The following ELAVL4 variants were observed in gnomAD, a reference collection of about 807,000 sequenced individuals.
ELAVL4 encodes ELAV like RNA binding protein 4.
A neutral mutation model predicts 35.6 loss-of-function variants in ELAVL4; 1 was observed. The observed-to-expected ratio is 0.03, with a 90% confidence interval of 0.01 to 0.13. The LOEUF is 0.13. Among genes scored for constraint, ELAVL4 ranks in the 10% least tolerant of loss-of-function variants. ELAVL4 has a pLI of 1.00. For synonymous variants in ELAVL4, 156 were observed against 171.0 expected, an observed-to-expected ratio of 0.91 and a Z score of 0.69; for missense variants, 267 against 464.9, an observed-to-expected ratio of 0.57 and a Z score of 3.91.
upstream of ELAVL4, among the ~76,000 whole-genome samples, chr1:50,102,143 C>A (rs1421869644): frequency 6.6e-6 from 1 of 151,760 alleles, no homozygotes; most frequent in Admixed American, 6.6e-5. Flanking sequence ...AAAAATTAGC[C>A]GGGTGTGGTG....
chr1:50,203,691 TG>T lies in ELAVL4; in HGVS notation c.*2514del, dbSNP rs1432548132. The T allele has an allele frequency of 5.9e-5, 9 of 152,268 alleles. No homozygotes were observed. Among genetic ancestry groups the T allele is most frequent in the East Asian group, 1.9e-4 (1 of 5,184 alleles). 9.4% of individuals were successfully genotyped at this position (152,268 alleles called of 1,614,324 possible). A position where few individuals can be genotyped will look rare whatever the true frequency, so the allele number is the denominator to read the frequency against. The stretch of plus-strand genomic sequence containing the variant: ...GATTTCCAAGGGAAAGTATTGTAAA[TG>T]TTTTTTTTTCATAATCTTGTTGTGT... On this transcript the variant is annotated 3_prime_UTR_variant, in exon 7 of 7. Transcript: ENST00000371824.
intron 1 of ELAVL4, among the ~76,000 whole-genome samples, chr1:50,063,075 C>A (rs1664081765): frequency 6.6e-6 from 1 of 152,072 alleles, no homozygotes; most frequent in Non-Finnish European, 1.5e-5. Flanking sequence ...TCCTCTAGAC[C>A]CCTCCAGTTG....
chr1:50,111,548 AT>A (rs1299348630), intron 1 of ELAVL4, among the ~76,000 whole-genome samples: 6 of 151,980 alleles, frequency 3.9e-5, no homozygotes, highest in Non-Finnish European at 5.9e-5. Flanking sequence ...TGTACCTCTC[AT>A]TTTTTTCCTC....
chr1:50,062,351 C>T (rs1392951745), intron 1 of ELAVL4, among the ~76,000 whole-genome samples: 1 of 152,066 alleles, frequency 6.6e-6, no homozygotes, highest in Non-Finnish European at 1.5e-5. Context: ...TCTGAATGGA[C>T]TACTCTTCCT....
intron 2 of ELAVL4, among the ~76,000 whole-genome samples, chr1:50,168,091 A>C (rs1215275968): frequency 6.6e-6 from 1 of 152,226 alleles, no homozygotes; most frequent in Admixed American, 6.5e-5. Context: ...AAGGGGCTGT[A>C]GTGCAACAGC....
intron 1 of ELAVL4, among the ~76,000 whole-genome samples, chr1:50,094,536 C>G (rs988532630): frequency 2.5e-4 from 38 of 152,262 alleles, no homozygotes; most frequent in Middle Eastern, 3.4e-3. Context: ...CCAGCCCTCT[C>G]TCAGTATTTG....
chr1:50,161,347 T>C (rs1207468461), intron 2 of ELAVL4, among the ~76,000 whole-genome samples: 1 of 152,252 alleles, frequency 6.6e-6, no homozygotes, highest in Non-Finnish European at 1.5e-5. Flanking sequence ...TAATGTTGCT[T>C]CGATTAAGAA....
intron 1 of ELAVL4, chr1:50,109,500 C>T (rs1666695590): frequency 2.7e-6 from 1 of 376,770 alleles, no homozygotes; most frequent in Non-Finnish European, 4.7e-6. Flanking sequence ...TTACTTGAGA[C>T]ATAATGGCAA....
intron 1 of ELAVL4, among the ~76,000 whole-genome samples, chr1:50,112,343 G>A (rs1267543858): frequency 2.6e-5 from 4 of 152,064 alleles, no homozygotes; most frequent in African/African-American, 7.2e-5. Context: ...TCTGTAAGAA[G>A]TGTCATCTTG....
chr1:50,088,562 T>C (rs1304039088), intron 1 of ELAVL4, among the ~76,000 whole-genome samples: 3 of 152,186 alleles, frequency 2.0e-5, no homozygotes, highest in Admixed American at 1.3e-4. Context: ...GAAACAAATA[T>C]TAACGAATAT....
upstream of ELAVL4, chr1:50,104,066 G>T (rs758824603): frequency 9.4e-5 from 148 of 1,582,884 alleles, 1 homozygote; most frequent in Non-Finnish European, 1.1e-4. Flanking sequence ...GTATTGATTG[G>T]CTGGATTTGC....
At chr1:50,089,098 A>G (rs1270123509) in intron 1 of ELAVL4, among the ~76,000 whole-genome samples, 3 of 152,198 alleles carry the variant, frequency 2.0e-5, no homozygotes, top group Non-Finnish European at 4.4e-5. Context: ...ATTATCCGCC[A>G]TTCTGCCACA....
chr1:50,157,905 G>GTGTT (rs1676034153), intron 2 of ELAVL4, among the ~76,000 whole-genome samples: 1 of 152,130 alleles, frequency 6.6e-6, no homozygotes, highest in South Asian at 2.1e-4. Context: ...GAGGTATAGG[G>GTGTT]TGTTTGTATA....
chr1:50,154,888 G>A (rs561772028), intron 2 of ELAVL4, among the ~76,000 whole-genome samples: 4 of 151,906 alleles, frequency 2.6e-5, no homozygotes, highest in Admixed American at 2.0e-4. Flanking sequence ...AACTAAAATT[G>A]AAATAGCCAT....
chr1:50,092,171 A>G (rs1665523085), intron 1 of ELAVL4, among the ~76,000 whole-genome samples: 1 of 152,226 alleles, frequency 6.6e-6, no homozygotes, highest in Admixed American at 6.5e-5. Context: ...ACAAGTACAT[A>G]TATAGACAAG....
chr1:50,055,734 C>T (rs931008869), intron 1 of ELAVL4, among the ~76,000 whole-genome samples: 5 of 151,960 alleles, frequency 3.3e-5, no homozygotes, highest in African/African-American at 9.7e-5. Context: ...CACTTTGGGA[C>T]GATCAACAAG....
At chr1:50,104,092 C>G (rs1666131057), upstream of ELAVL4, 8 of 1,402,830 alleles carry the variant, frequency 5.7e-6, no homozygotes, top group Non-Finnish European at 8.1e-6. Context: ...GGTAACAAGA[C>G]TATGGGTCCT....
intron 1 of ELAVL4, among the ~76,000 whole-genome samples, chr1:50,082,866 A>G (rs768210618): frequency 4.6e-5 from 7 of 152,088 alleles, no homozygotes; most frequent in Non-Finnish European, 8.8e-5. Context: ...CTGTCTGCCT[A>G]ACTATGTACC....
intron 1 of ELAVL4, among the ~76,000 whole-genome samples, chr1:50,056,424 C>T (rs2148472660): frequency 6.6e-6 from 1 of 152,274 alleles, no homozygotes; most frequent in African/African-American, 2.4e-5. Flanking sequence ...AGCTGAAAAA[C>T]TCCCATTGCT....
Sources: gnomAD v4.1 joint callset for allele counts (sites outside exome capture counted in the v4.1 genomes callset) on GRCh38, gnomAD v4.1.1 for gene constraint, MANE v1.5 for transcripts, NCBI Gene and HGNC (gene_info 2026-07-23, HGNC 2026-07-21) for gene names.